ARPP21: variants seen among roughly 807,000 people sequenced by gnomAD.
ARPP21 encodes the protein cAMP regulated phosphoprotein 21, also known as cAMP-regulated phosphoprotein 21.
ARPP21 carries 69 observed loss-of-function variants against 113.2 expected under a neutral mutation model. That is an observed-to-expected ratio of 0.61 (90% CI 0.50 to 0.74). The LOEUF (loss-of-function observed/expected upper bound fraction) is 0.74, where lower values mean the gene tolerates loss of function less well. ARPP21 is among the 30% of genes least tolerant of loss of function. The probability of loss-of-function intolerance (pLI) is 0.00; values close to 1 mark genes in which losing one functional copy is unlikely to be tolerated. For missense variants in ARPP21, 1,070 were observed against 1,037.4 expected (o/e 1.03, Z -0.43); for synonymous variants, 368 against 375.5 (o/e 0.98, Z 0.23).
chr3:35,698,260 A>G (rs775989281), intron 9 of ARPP21, among the ~76,000 whole-genome samples: 4 of 151,798 alleles, frequency 2.6e-5, no homozygotes, highest in Middle Eastern at 3.4e-3. Context: ...AATACCTTAG[A>G]GAATATAAGA....
Position 35,684,279 on chromosome 3 carries a change from T to G in ARPP21, c.261+464T>G, listed in dbSNP as rs568777665. On this transcript the variant is annotated intron_variant, in intron 5 of 20. Coordinates refer to ENST00000684406, the MANE Select transcript of ARPP21 (RefSeq NM_001385562.1). ...AAATAGTGAATAAGGTGCATTTAAC[T>G]TTGGAGAAATACTTTTATGGCTTTG... 5.2e-6 allele frequency: 6 copies of G among 1,162,654 alleles called. No individual in the cohort carries two copies. The East Asian group carries it at 2.4e-4, about 47-fold the overall frequency. 72.0% of individuals were successfully genotyped at this position (1,162,654 alleles called of 1,614,324 possible). A position where few individuals can be genotyped will look rare whatever the true frequency, so the allele number is the denominator to read the frequency against.
chr3:35,667,840 C>CG (rs1360115068), intron 1 of ARPP21, among the ~76,000 whole-genome samples: 4,125 of 70,706 alleles, frequency 0.058, 242 homozygotes, highest in South Asian at 0.063. Context: ...CTTTTATTCT[C>CG]AAAGAAGAAG....
chr3:35,646,953 C>CCAAAG (rs1700470212), intron 1 of ARPP21, among the ~76,000 whole-genome samples: 1 of 152,050 alleles, frequency 6.6e-6, no homozygotes, highest in Non-Finnish European at 1.5e-5. Context: ...GGTCACAACA[C>CCAAAG]TTTTTTGTGT....
At chr3:35,776,163 A>C (rs1178303361) in intron 19 of ARPP21, among the ~76,000 whole-genome samples, 3 of 152,212 alleles carry the variant, frequency 2.0e-5, no homozygotes, top group Non-Finnish European at 2.9e-5. Context: ...TGTGTTGAGA[A>C]TGTTATTAAA....
chr3:35,705,310 A>C (rs1315246498), intron 9 of ARPP21, among the ~76,000 whole-genome samples: 1 of 152,190 alleles, frequency 6.6e-6, no homozygotes, highest in Non-Finnish European at 1.5e-5. Flanking sequence ...ATATCTTTAC[A>C]GTGTAATAAG....
chr3:35,739,720 A>G, intron 18 of ARPP21, 143 bp downstream of exon 18: 1 of 1,163,950 alleles, frequency 8.6e-7, no homozygotes, highest in Admixed American at 3.1e-5. Context: ...AGGAAGTAGT[A>G]TATTTTTTCA....
rs548070708 is a variant in ARPP21 at position 35,791,997 on chromosome 3, T to G, written c.2138-385T>G. ...GGAATGAGTCAATTTAATTTTAAAA[T>G]AACTTGATAATCTGTGAATTCTCCA... On this transcript the variant is annotated intron_variant, in intron 19 of 20. Coordinates refer to ENST00000684406, the MANE Select transcript of ARPP21 (RefSeq NM_001385562.1). Among the ~76,000 whole-genome samples, 5 of 152,306 alleles carry G rather than the reference T, an allele frequency of 3.3e-5. No homozygotes were observed. In the South Asian group the frequency reaches 8.3e-4, roughly 25 times the overall value.
chr3:35,721,485 G>A (rs974421101), intron 13 of ARPP21, 120 bp from the exon 14 acceptor site: 2 of 635,210 alleles, frequency 3.1e-6, no homozygotes, highest in South Asian at 3.9e-5. Context: ...TAATGAAAAG[G>A]GTTGGCAGGA....
rs1192099258 is a variant in ARPP21, at chr3:35,709,032, G to T, written c.859G>T (p.Glu287Ter). 1.2e-6 allele frequency: 2 copies of T among 1,613,642 alleles called. No homozygotes were observed. Among genetic ancestry groups the T allele is most frequent in the South Asian group, 1.1e-5 (1 of 91,056 alleles). The change falls in exon 11 of 21, where the codon GAA (glutamate) becomes TAA (stop). Residue 287 changes from glutamate (E) to a stop codon, truncating the protein, a stop_gained. Transcript: ENST00000684406. LOFTEE classifies it high-confidence loss of function. ...RSKSIEEREEEYQRVRERIFA... is the reference protein window; with the variant it reads ...RSKSIEEREE ...TAAATCAATTGAAGAGAGAGAAGAG[G>T]AATATCAGAGAGTGAGGGAGAGAAT...
In ARPP21 at chr3:35,760,634, T is replaced by G. The variant is rs565955746; in HGVS notation, c.2137+16669T>G. 4.5e-4 allele frequency among the ~76,000 whole-genome samples: 68 copies of G among 152,168 alleles called. No individual in the cohort carries two copies. The South Asian group carries it at 0.014, about 32-fold the overall frequency. Reference sequence around the variant, plus strand: ...ATTGATCAGGACTGTAGTATGTGCATGGAAGAATTTGGAGGCATTGTGAAA... The same window carrying G: ...ATTGATCAGGACTGTAGTATGTGCAGGGAAGAATTTGGAGGCATTGTGAAA... On this transcript the variant is annotated intron_variant, in intron 19 of 20. Coordinates refer to ENST00000684406, the MANE Select transcript of ARPP21 (RefSeq NM_001385562.1).
Position 35,709,167 on chromosome 3 carries a change from G to A in ARPP21, c.897+97G>A, listed in dbSNP as rs79967213. The stretch of plus-strand genomic sequence containing the variant: ...CAGCGAGGTGGCAGGGAATAAAAAG[G>A]CTGGAGCCAGAGAACAAATCAAACT... On this transcript the variant is annotated intron_variant, in intron 11 of 20. Transcript: ENST00000684406. 5.5e-3 allele frequency: 4,454 copies of A among 808,390 alleles called. 158 individuals are homozygous for A. The African/African-American group carries it at 0.068, about 12-fold the overall frequency. The allele number at this position is 808,390 out of a possible 1,614,324, so 50.1% of individuals were successfully genotyped here.
intron 19 of ARPP21, among the ~76,000 whole-genome samples, chr3:35,776,161 G>C (rs900847142): frequency 1.3e-5 from 2 of 152,020 alleles, no homozygotes; most frequent in African/African-American, 4.8e-5. Flanking sequence ...TGTGTGTTGA[G>C]AATGTTATTA....
upstream of ARPP21, chr3:35,638,987 G>T (rs1432863225): frequency 1.3e-5 from 2 of 152,472 alleles, no homozygotes; most frequent in African/African-American, 4.8e-5. Flanking sequence ...GTGGAACAAG[G>T]CTTCGTCAAG....
chr3:35,727,519 C>A (rs2093624252), intron 14 of ARPP21, among the ~76,000 whole-genome samples: 1 of 152,162 alleles, frequency 6.6e-6, no homozygotes, highest in African/African-American at 2.4e-5. Flanking sequence ...TGTTATGTTC[C>A]TATCACTTAT....
At chr3:35,721,562 G>C (rs755784670) in intron 13 of ARPP21, 43 bp from the exon 14 acceptor site, 1 of 1,150,542 alleles carries the variant, frequency 8.7e-7, no homozygotes, top group Non-Finnish European at 1.3e-6. Context: ...ATGCATGTAA[G>C]GTAATCCTGT....
At chr3:35,678,839 A>C (rs1341027560) in intron 1 of ARPP21, 2 of 151,964 alleles carry the variant, frequency 1.3e-5, no homozygotes, top group African/African-American at 4.8e-5. Flanking sequence ...GTGTTTTCAT[A>C]GATAGGTATG....
At chr3:35,726,694 C>A (rs575115846) in intron 14 of ARPP21, among the ~76,000 whole-genome samples, 1 of 152,196 alleles carries the variant, frequency 6.6e-6, no homozygotes, top group Non-Finnish European at 1.5e-5. Flanking sequence ...TGTGACACTT[C>A]AGTCTGTCTG....
At chr3:35,775,492 T>G (rs1004269152) in intron 19 of ARPP21, among the ~76,000 whole-genome samples, 1 of 152,156 alleles carries the variant, frequency 6.6e-6, no homozygotes, top group South Asian at 2.1e-4. Flanking sequence ...ATATATGTAG[T>G]TACTGTACAA....
chr3:35,754,277 A>G (rs918171988), intron 19 of ARPP21, among the ~76,000 whole-genome samples: 1 of 152,014 alleles, frequency 6.6e-6, no homozygotes, highest in Non-Finnish European at 1.5e-5. Flanking sequence ...TTGAGGAAAT[A>G]GGTGTAACTA....
Sources: gnomAD v4.1 joint callset for allele counts (sites outside exome capture counted in the v4.1 genomes callset) on GRCh38, gnomAD v4.1.1 for gene constraint, MANE v1.5 for transcripts, NCBI Gene and HGNC (gene_info 2026-07-23, HGNC 2026-07-21) for gene names.